PCDHGA5: variants seen among roughly 807,000 people sequenced by gnomAD.
PCDHGA5 encodes protocadherin gamma subfamily A, 5.
A neutral mutation model predicts 56.7 loss-of-function variants in PCDHGA5; 36 were observed. That is an observed-to-expected ratio of 0.64 (90% confidence interval 0.49 to 0.84). The LOEUF (loss-of-function observed/expected upper bound fraction) is 0.84, where lower values mean the gene tolerates loss of function less well. Among genes scored for constraint, PCDHGA5 ranks in the 40% least tolerant of loss-of-function variants. The pLI, the probability that PCDHGA5 is intolerant of heterozygous loss-of-function variation, is 0.00. For missense variants in PCDHGA5, 1,305 were observed against 1,201.5 expected, an observed-to-expected ratio of 1.09 and a Z score of -1.27; for synonymous variants, 563 against 520.2, an observed-to-expected ratio of 1.08 and a Z score of -1.12.
At position 141,476,458 on chromosome 5, in the gene PCDHGA5, C is replaced by A. The variant is rs368153419; in HGVS notation, c.2422-18349C>A. Reference sequence around the variant, plus strand: ...TAACTCTGGAGTTGGTAGTGGAGAACCCGCTGGAGCTGTTCAGCGTGGAAG... The same window carrying A: ...TAACTCTGGAGTTGGTAGTGGAGAAACCGCTGGAGCTGTTCAGCGTGGAAG... On this transcript the variant is annotated intron_variant, in intron 1 of 3. Transcript: ENST00000518069. This position sits in a 1 kb window ranked among gnomAD's most constrained non-coding sequence, Gnocchi z 7.6. 1 of 1,613,928 alleles carries A rather than the reference C, an allele frequency of 6.2e-7. No individual in the cohort carries two copies. Among genetic ancestry groups the A allele is most frequent in the Non-Finnish European group, 8.5e-7 (1 of 1,180,022 alleles).
chr5:141,427,982 G>T, intron 1 of PCDHGA5: 1 of 1,596,752 alleles, frequency 6.3e-7, no homozygotes, highest in African/African-American at 1.3e-5. Flanking sequence ...CCGCGCTGGG[G>T]CCCGATGGCT....
chr5:141,405,394 CTT>C lies in PCDHGA5; in HGVS notation c.2421+38645_2421+38646del, dbSNP rs1561700295. 3.8e-6 allele frequency: 6 copies of C among 1,593,014 alleles called. No individual in the cohort carries two copies. In the Admixed American group the frequency reaches 7.1e-5, roughly 19 times the overall value. On this transcript the variant is annotated intron_variant, in intron 1 of 3. Transcript: ENST00000518069. ...TGGTTCCGGTGAGTTCATTTTTTTT[CTT>C]TCTTTCTTTTCTTTTTTTGTTTTTT...
intron 1 of PCDHGA5, among the ~76,000 whole-genome samples, chr5:141,407,336 G>A (rs1005803062): frequency 6.6e-6 from 1 of 152,240 alleles, no homozygotes; most frequent in Admixed American, 6.5e-5. Flanking sequence ...ATATTGAAAT[G>A]TATGTTAATT....
chr5:141,372,115 T>C, intron 1 of PCDHGA5: 1 of 1,613,758 alleles, frequency 6.2e-7, no homozygotes, highest in Non-Finnish European at 8.5e-7. Flanking sequence ...GGCTCTGCGC[T>C]CTTCGATATG....
chr5:141,431,830 C>G lies in PCDHGA5; in HGVS notation c.2422-62977C>G, dbSNP rs1354008481. 1 of 1,614,078 alleles carries G rather than the reference C, an allele frequency of 6.2e-7. No homozygotes were observed. The highest frequency in any genetic ancestry group is 8.5e-7 in the Non-Finnish European group (1 of 1,180,034). The stretch of plus-strand genomic sequence containing the variant: ...TCACCTCTCTCGCCAGCTCGGTTCC[C>G]GAAAACTCTCCCAGAGGGACATTAA... On this transcript the variant is annotated intron_variant, in intron 1 of 3. Coordinates refer to ENST00000518069, the MANE Select transcript of PCDHGA5 (RefSeq NM_018918.3). This position sits in a 1 kb window ranked among gnomAD's most constrained non-coding sequence, Gnocchi z 4.8.
In PCDHGA5 at chr5:141,489,514, C is replaced by T. The variant is rs141377711; in HGVS notation, c.2422-5293C>T. 63 of 1,613,926 alleles carry T rather than the reference C, an allele frequency of 3.9e-5. No homozygotes were observed. The highest frequency in any genetic ancestry group is 6.7e-5 in the Admixed American group (4 of 60,004). ...CCTGGCAGTGAATCAAAAGATTGAC[C>T]GAGAAAGCCTATGTGGAGCCAGCAC... On this transcript the variant is annotated intron_variant, in intron 1 of 3. Coordinates refer to ENST00000518069, the MANE Select transcript of PCDHGA5 (RefSeq NM_018918.3). This position sits in a 1 kb window ranked among gnomAD's most constrained non-coding sequence, Gnocchi z 4.5.
intron 1 of PCDHGA5, chr5:141,375,797 T>A: frequency 6.2e-7 from 1 of 1,614,192 alleles, no homozygotes; most frequent in Non-Finnish European, 8.5e-7. Flanking sequence ...CACAGACGGT[T>A]CCACTGGCGT....
rs752401867 is a variant in PCDHGA5, at chr5:141,511,224, G to A, written c.*51G>A. On this transcript the variant is annotated 3_prime_UTR_variant, in exon 4 of 4. Transcript: ENST00000518069. ...GGGCGGCCTCTCCCCAACCAGCCCA[G>A]CTTCTCCTTACCTGCACCCAGGCCT... 1.2e-6 allele frequency: 2 copies of A among 1,603,276 alleles called. No homozygotes were observed.
intron 1 of PCDHGA5, chr5:141,426,967 T>G (rs151241654): frequency 2.2e-6 from 1 of 456,702 alleles, no homozygotes; most frequent in East Asian, 6.9e-5. Context: ...GCAATTCAAA[T>G]TGAGGTCACT....
chr5:141,370,144 A>G (rs1427805269), intron 1 of PCDHGA5: 2 of 435,992 alleles, frequency 4.6e-6, no homozygotes, highest in Non-Finnish European at 4.0e-6. Flanking sequence ...TTTAGTCACC[A>G]TTACTGCAGT....
At chr5:141,416,846 A>G (rs1412860680) in intron 1 of PCDHGA5, 2 of 152,120 alleles carry the variant, frequency 1.3e-5, no homozygotes, top group Non-Finnish European at 2.9e-5. Flanking sequence ...TTATAATTCC[A>G]TGATTTTTTT....
chr5:141,426,596 C>T (rs1408090148), intron 1 of PCDHGA5: 9 of 377,102 alleles, frequency 2.4e-5, no homozygotes, highest in Middle Eastern at 3.9e-4. Context: ...GTGTCATACC[C>T]TTAGAGATTG....
chr5:141,415,368 T>C (rs762653261), intron 1 of PCDHGA5: 1 of 1,614,244 alleles, frequency 6.2e-7, no homozygotes, highest in Non-Finnish European at 8.5e-7. Context: ...TGCTGCAGGC[T>C]TCAGGAGGCG....
intron 1 of PCDHGA5, chr5:141,383,971 G>A (rs373869441): frequency 2.5e-6 from 4 of 1,613,544 alleles, no homozygotes; most frequent in African/African-American, 1.3e-5. Context: ...CTCAATCCCT[G>A]AAGACACACC....
intron 1 of PCDHGA5, chr5:141,478,451 G>A (rs377597887): frequency 2.5e-6 from 4 of 1,613,440 alleles, no homozygotes; most frequent in African/African-American, 2.7e-5. Context: ...ACCTGGTGCA[G>A]CCAGTCCACT....
chr5:141,372,977 T>C (rs1769216145), intron 1 of PCDHGA5: 2 of 661,598 alleles, frequency 3.0e-6, no homozygotes, highest in Admixed American at 3.3e-5. Context: ...CTGTAGAATA[T>C]CTGTGTTGCA....
intron 2 of PCDHGA5, among the ~76,000 whole-genome samples, chr5:141,498,956 A>G (rs547381859): frequency 2.4e-5 from 3 of 124,058 alleles, no homozygotes; most frequent in African/African-American, 6.3e-5. Context: ...AAAAAGAGAG[A>G]GAGGGAGGGA....
chr5:141,404,897 C>T, intron 1 of PCDHGA5: 2 of 1,613,920 alleles, frequency 1.2e-6, no homozygotes, highest in Non-Finnish European at 1.7e-6. Flanking sequence ...TGTACAGGAC[C>T]ATGGCCAGCC....
intron 1 of PCDHGA5, chr5:141,404,308 C>G: frequency 1.2e-6 from 2 of 1,613,918 alleles, no homozygotes; most frequent in East Asian, 2.2e-5. Flanking sequence ...CACCTGCTTT[C>G]TCTCAAGCCT....
Sources: allele counts gnomAD v4.1 joint callset (sites outside exome capture counted in the v4.1 genomes callset), GRCh38; gene constraint gnomAD v4.1.1; non-coding constraint Gnocchi (gnomAD v3.1); transcripts MANE v1.5; gene names NCBI Gene and HGNC (gene_info 2026-07-23, HGNC 2026-07-21).